ME1: variants seen among roughly 807,000 people sequenced by gnomAD.
The protein encoded by ME1 is NADP-dependent malic enzyme.
A neutral mutation model predicts 66.4 loss-of-function variants in ME1; 74 were observed. The observed-to-expected ratio is 1.11, with a 90% CI of 0.92 to 1.35. ME1 has a LOEUF of 1.35. ME1 is among the 40% of genes most tolerant of loss of function. ME1 has a pLI of 0.00. For missense variants in ME1, 750 were observed against 694.1 expected, an observed-to-expected ratio of 1.08 and a Z score of -0.90; for synonymous variants, 251 against 235.6, an observed-to-expected ratio of 1.07 and a Z score of -0.60.
chr6:83,406,428 G>T (rs892749302), intron 2 of ME1, among the ~76,000 whole-genome samples: 4 of 152,052 alleles, frequency 2.6e-5, no homozygotes, highest in African/African-American at 9.7e-5. Context: ...TTATATTTCT[G>T]GTAGAATTCA....
At chr6:83,395,675 C>T (rs1033446354) in intron 3 of ME1, among the ~76,000 whole-genome samples, 1 of 151,522 alleles carries the variant, frequency 6.6e-6, no homozygotes, top group Non-Finnish European at 1.5e-5. Flanking sequence ...GGGGTTTCAC[C>T]ATGTTGGTCA....
chr6:83,254,121 C>T (rs182764125), intron 6 of ME1, among the ~76,000 whole-genome samples: 51 of 152,042 alleles, frequency 3.4e-4, no homozygotes, highest in Middle Eastern at 3.4e-3. Context: ...AACAAATGAA[C>T]GAGTTTTAAT....
At chr6:83,353,817 C>T (rs1158710071) in intron 3 of ME1, among the ~76,000 whole-genome samples, 2 of 152,126 alleles carry the variant, frequency 1.3e-5, no homozygotes, top group Non-Finnish European at 2.9e-5. Flanking sequence ...TCTGCCCAGA[C>T]CTAAAATGAG....
intron 5 of ME1, among the ~76,000 whole-genome samples, chr6:83,340,663 A>T (rs751366559): frequency 6.7e-6 from 1 of 148,578 alleles, no homozygotes; most frequent in Non-Finnish European, 1.5e-5. Context: ...ACTAATTAGC[A>T]ATTTCTTGTT....
chr6:83,315,568 A>C (rs993534309), intron 5 of ME1, among the ~76,000 whole-genome samples, 155 bp from the exon 6 acceptor site: 4 of 152,244 alleles, frequency 2.6e-5, no homozygotes, highest in East Asian at 1.9e-4. Flanking sequence ...TTAATGTTAC[A>C]TAGAATATAC....
intron 3 of ME1, among the ~76,000 whole-genome samples, chr6:83,369,472 A>G (rs1419032921): frequency 2.0e-5 from 3 of 152,078 alleles, no homozygotes; most frequent in Non-Finnish European, 2.9e-5. Flanking sequence ...TAAAAATACT[A>G]TCCTTACTAA....
intron 6 of ME1, among the ~76,000 whole-genome samples, chr6:83,296,602 T>G (rs1007159277): frequency 1.3e-5 from 2 of 152,160 alleles, no homozygotes; most frequent in African/African-American, 4.8e-5. Context: ...CCTTGAAAAC[T>G]GGCACAAGAC....
chr6:83,285,726 T>C (rs1035751333), intron 6 of ME1, among the ~76,000 whole-genome samples: 5 of 152,274 alleles, frequency 3.3e-5, no homozygotes, highest in African/African-American at 1.2e-4. Context: ...GTACAAGAAA[T>C]AGCAAGATTT....
intron 5 of ME1, among the ~76,000 whole-genome samples, chr6:83,334,706 C>G (rs1768493939): frequency 2.2e-5 from 1 of 44,662 alleles, no homozygotes; most frequent in Admixed American, 3.0e-4. Flanking sequence ...CAGGGGCACA[C>G]TGACACCTCA....
intron 1 of ME1, among the ~76,000 whole-genome samples, chr6:83,418,989 G>C (rs1176800155): frequency 3.3e-5 from 5 of 152,148 alleles, no homozygotes; most frequent in Non-Finnish European, 7.4e-5. Flanking sequence ...ATGCAGAAAA[G>C]CTTGGCTTCT....
intron 3 of ME1, among the ~76,000 whole-genome samples, chr6:83,383,563 C>T (rs1769448158): frequency 6.6e-6 from 1 of 151,818 alleles, no homozygotes; most frequent in South Asian, 2.1e-4. Context: ...CTGATCTCAT[C>T]AGGCAGATGG....
At chr6:83,379,819 T>C (rs181442288) in intron 3 of ME1, among the ~76,000 whole-genome samples, 16 of 152,250 alleles carry the variant, frequency 1.1e-4, no homozygotes, top group Admixed American at 8.5e-4. Context: ...AATTTGATAT[T>C]TGAGAACTGT....
At chr6:83,220,155 T>C (rs184806246) in intron 12 of ME1, among the ~76,000 whole-genome samples, 358 of 152,344 alleles carry the variant, frequency 2.3e-3, no homozygotes, top group Non-Finnish European at 4.4e-3. Flanking sequence ...TTTAAAGAGA[T>C]TGGAGACAGT....
At chr6:83,406,600 C>T (rs577550725) in intron 2 of ME1, among the ~76,000 whole-genome samples, 8 of 152,230 alleles carry the variant, frequency 5.3e-5, no homozygotes, top group Middle Eastern at 3.4e-3. Context: ...TTTCAACGTA[C>T]GAATTTGCAG....
intron 6 of ME1, among the ~76,000 whole-genome samples, chr6:83,277,794 C>T (rs933491262): frequency 4.0e-5 from 6 of 151,668 alleles, no homozygotes; most frequent in Admixed American, 6.6e-5. Flanking sequence ...CGCAGCTACA[C>T]GGGAGGCTGA....
chr6:83,375,544 G>C (rs372880071), intron 3 of ME1, among the ~76,000 whole-genome samples: 1 of 152,146 alleles, frequency 6.6e-6, no homozygotes, highest in Non-Finnish European at 1.5e-5. Context: ...TGCAAACAGA[G>C]ACAGTTTGAC....
chr6:83,322,277 A>G (rs946969471), intron 5 of ME1, among the ~76,000 whole-genome samples: 8 of 152,184 alleles, frequency 5.3e-5, no homozygotes, highest in Admixed American at 3.9e-4. Flanking sequence ...CTCACCAGCA[A>G]GGGAATAAAA....
intron 3 of ME1, among the ~76,000 whole-genome samples, chr6:83,387,226 T>C (rs559322078): frequency 6.6e-6 from 1 of 152,126 alleles, no homozygotes; most frequent in Non-Finnish European, 1.5e-5. Context: ...CAGGTAGATT[T>C]AAAACTAGAG....
chr6:83,288,497 C>G (rs1767438963), intron 6 of ME1, among the ~76,000 whole-genome samples: 1 of 152,106 alleles, frequency 6.6e-6, no homozygotes, highest in Non-Finnish European at 1.5e-5. Flanking sequence ...GGCCTCCGTT[C>G]TGTTCCATTG....
Sources: allele counts gnomAD v4.1 joint callset (sites outside exome capture counted in the v4.1 genomes callset), GRCh38; gene constraint gnomAD v4.1.1; transcripts MANE v1.5; gene names NCBI Gene and HGNC (gene_info 2026-07-23, HGNC 2026-07-21).